ARID1B: variants seen among roughly 807,000 people sequenced by gnomAD.
ARID1B encodes the protein AT-rich interactive domain-containing protein 1B.
A neutral mutation model predicts 212.3 loss-of-function variants in ARID1B; 30 were observed. The observed-to-expected ratio is 0.14, with a 90% confidence interval of 0.11 to 0.19. ARID1B has a LOEUF of 0.19. Ranked by LOEUF, ARID1B falls within the 10% of genes least tolerant of loss-of-function variation. The pLI is 1.00. For synonymous variants in ARID1B, 1,402 were observed against 1,301.7 expected (o/e 1.08, Z -1.66); for missense variants, 2,891 against 3,204.0 (o/e 0.90, Z 2.36).
At chr6:156,832,610 T>A (rs748631410) in intron 2 of ARID1B, among the ~76,000 whole-genome samples, 1 of 152,202 alleles carries the variant, frequency 6.6e-6, no homozygotes, top group African/African-American at 2.4e-5. Context: ...AGCTGAGTGG[T>A]AAGTTGTCTT....
intron 5 of ARID1B, among the ~76,000 whole-genome samples, chr6:157,108,250 G>C (rs960362392): frequency 6.6e-6 from 1 of 152,242 alleles, no homozygotes; most frequent in Admixed American, 6.5e-5. Flanking sequence ...CACACAACCA[G>C]AAGTGCTGCT....
intron 4 of ARID1B, among the ~76,000 whole-genome samples, chr6:156,954,534 C>A (rs1731233834): frequency 6.6e-6 from 1 of 152,118 alleles, no homozygotes; most frequent in African/African-American, 2.4e-5. Flanking sequence ...CTACCTGATA[C>A]ATAAACTGCT....
intron 1 of ARID1B, among the ~76,000 whole-genome samples, chr6:156,785,316 C>G (rs1779558929): frequency 6.6e-6 from 1 of 152,072 alleles, no homozygotes; most frequent in Non-Finnish European, 1.5e-5. Context: ...GGAGATTCAC[C>G]CTCTGTTGAC....
intron 7 of ARID1B, among the ~76,000 whole-genome samples, chr6:157,144,903 T>C (rs185435247): frequency 2.6e-5 from 4 of 152,208 alleles, no homozygotes; most frequent in African/African-American, 9.7e-5. Flanking sequence ...GAAAACAAAG[T>C]TTTGATGGTA....
intron 1 of ARID1B, among the ~76,000 whole-genome samples, chr6:156,819,452 T>C (rs907828329): frequency 4.6e-5 from 7 of 152,174 alleles, no homozygotes; most frequent in Middle Eastern, 3.2e-3. Context: ...AATTATTACA[T>C]TTGCTAAATT....
At chr6:156,982,074 C>T (rs79110025) in intron 4 of ARID1B, among the ~76,000 whole-genome samples, 2,418 of 145,678 alleles carry the variant, frequency 0.017, 67 homozygotes, top group African/African-American at 0.059. Context: ...GTGGATCTCC[C>T]GTTTCCTAGA....
At chr6:156,950,604 G>C (rs1562505893) in intron 4 of ARID1B, among the ~76,000 whole-genome samples, 1 of 118,818 alleles carries the variant, frequency 8.4e-6, no homozygotes. Flanking sequence ...GTGGTATTTT[G>C]CGGGGGGGTA....
chr6:157,070,684 G>A (rs763945172), intron 4 of ARID1B, among the ~76,000 whole-genome samples: 2 of 152,164 alleles, frequency 1.3e-5, no homozygotes, highest in Non-Finnish European at 2.9e-5. Context: ...TGGCCTTTAT[G>A]TGTTTATTTA....
chr6:157,144,952 C>T (rs903525680), intron 7 of ARID1B, among the ~76,000 whole-genome samples: 3 of 152,184 alleles, frequency 2.0e-5, no homozygotes, highest in Admixed American at 6.5e-5. Context: ...TGCCTCTTCA[C>T]GCCGAAGCAG....
At chr6:156,822,043 C>G (rs562108117) in intron 1 of ARID1B, among the ~76,000 whole-genome samples, 195 of 151,882 alleles carry the variant, frequency 1.3e-3, no homozygotes, top group African/African-American at 4.6e-3. Context: ...GGGGTTTCAC[C>G]ATGTTGGCCA....
chr6:157,181,099 G>T lies in ARID1B; in HGVS notation c.3635G>T (p.Ser1212Ile). The T allele has an allele frequency of 6.2e-7, 1 of 1,614,216 alleles. No homozygotes were observed. ...FMEERGSPVS[S>I]LPAVGKKPLD... is the part of the protein sequence containing the mutation. The stretch of plus-strand genomic sequence containing the variant: ...GAAGAGAGAGGCTCTCCTGTCTCAA[G>T]TCTGCCTGCCGTGGGCAAGAAGCCC... Residue 1212 changes from serine to isoleucine, a missense_variant, in exon 12 of 20, where the codon AGT becomes ATT. Coordinates refer to ENST00000636930, the MANE Select transcript of ARID1B (RefSeq NM_001374828.1).
At chr6:157,013,260 G>A (rs747671908) in intron 4 of ARID1B, among the ~76,000 whole-genome samples, 3 of 152,230 alleles carry the variant, frequency 2.0e-5, no homozygotes, top group Non-Finnish European at 4.4e-5. Flanking sequence ...GAGGCATTTC[G>A]TGCCTTCAAA....
chr6:157,043,180 A>G (rs1398261890), intron 4 of ARID1B, among the ~76,000 whole-genome samples: 1 of 152,172 alleles, frequency 6.6e-6, no homozygotes, highest in Non-Finnish European at 1.5e-5. Context: ...ACCCCCAACT[A>G]ACAGAGTCCC....
At chr6:157,019,407 G>C (rs949249588) in intron 4 of ARID1B, among the ~76,000 whole-genome samples, 1 of 152,162 alleles carries the variant, frequency 6.6e-6, no homozygotes. Context: ...GCAGACTGTC[G>C]TCATATACAT....
chr6:156,989,692 G>A (rs148681209), intron 4 of ARID1B, among the ~76,000 whole-genome samples: 88 of 152,326 alleles, frequency 5.8e-4, no homozygotes, highest in African/African-American at 2.1e-3. Flanking sequence ...GAGTCAGTGA[G>A]ATTCCCCTTG....
intron 11 of ARID1B, among the ~76,000 whole-genome samples, chr6:157,176,254 C>T (rs933782693): frequency 2.0e-5 from 3 of 152,216 alleles, no homozygotes; most frequent in Non-Finnish European, 4.4e-5. Flanking sequence ...ATGGGTATAG[C>T]AGACAGTGCG....
chr6:157,174,837 T>C lies in ARID1B; in HGVS notation c.3346-10T>C. 1 of 1,505,946 alleles carries C rather than the reference T, an allele frequency of 6.6e-7. No individual in the cohort carries two copies. The highest frequency in any genetic ancestry group is 8.9e-7 in the Non-Finnish European group (1 of 1,125,276). The allele number at this position is 1,505,946 out of a possible 1,614,324, so 93.3% of individuals were successfully genotyped here. ...TTGTCATTTTTTTTTTTTTTATTCCTCTACCACAGGATAGCTACAGCTCTC... is the reference window on the plus strand; with the variant it reads ...TTGTCATTTTTTTTTTTTTTATTCCCCTACCACAGGATAGCTACAGCTCTC... On this transcript the variant is annotated splice_polypyrimidine_tract_variant and intron_variant, in intron 10 of 19. Coordinates refer to ENST00000636930, the MANE Select transcript of ARID1B (RefSeq NM_001374828.1).
In ARID1B at chr6:157,102,024, A is replaced by G. The variant is rs149088138; in HGVS notation, c.2492-8448A>G. 1.8e-4 allele frequency among the ~76,000 whole-genome samples: 28 copies of G among 152,342 alleles called. No homozygotes were observed. In the East Asian group the frequency reaches 5.4e-3, roughly 29 times the overall value. On this transcript the variant is annotated intron_variant, in intron 5 of 19. Coordinates refer to ENST00000636930, the MANE Select transcript of ARID1B (RefSeq NM_001374828.1). Reference sequence around the variant, plus strand: ...TCTGAATATTTCTATATCTATTAGTATTACTAATACTGGAGATAATGCAGT... The same window carrying G: ...TCTGAATATTTCTATATCTATTAGTGTTACTAATACTGGAGATAATGCAGT...
intron 2 of ARID1B, among the ~76,000 whole-genome samples, chr6:156,845,417 T>C (rs1784171004): frequency 6.6e-6 from 1 of 152,176 alleles, no homozygotes; most frequent in Admixed American, 6.5e-5. Context: ...TTTAGTAGGG[T>C]TCATCCTGTA....
Sources: allele counts gnomAD v4.1 joint callset (sites outside exome capture counted in the v4.1 genomes callset), GRCh38; gene constraint gnomAD v4.1.1; transcripts MANE v1.5; gene names NCBI Gene and HGNC (gene_info 2026-07-23, HGNC 2026-07-21).